Variants in SNX2 observed in about 807,000 individuals in gnomAD.
SNX2 encodes the protein sorting nexin 2.
SNX2 carries 25 observed loss-of-function variants against 69.9 expected under a neutral mutation model. That is an observed-to-expected ratio of 0.36 (90% CI 0.26 to 0.50). The LOEUF (loss-of-function observed/expected upper bound fraction) is 0.50, where lower values mean the gene tolerates loss of function less well. SNX2 is among the 20% of genes least tolerant of loss of function. The pLI is 0.97. For missense variants in SNX2, 551 were observed against 613.3 expected (o/e 0.90, Z 1.07); for synonymous variants, 229 against 200.4 (o/e 1.14, Z -1.20).
intron 1 of SNX2, among the ~76,000 whole-genome samples, chr5:122,785,343 A>C (rs894835771): frequency 2.6e-5 from 4 of 151,568 alleles, no homozygotes; most frequent in African/African-American, 9.7e-5. Flanking sequence ...ACAGGGAGTC[A>C]CACTATGTTG....
Position 122,834,141 on chromosome 5 carries a change from A to T in SNX2, c.*4493A>T, listed in dbSNP as rs892371619. The T allele has an allele frequency of 2.6e-5, 4 of 152,324 alleles. No individual in the cohort carries two copies. Among genetic ancestry groups the T allele is most frequent in the South Asian group, 2.1e-4 (1 of 4,832 alleles). The allele number at this position is 152,324 out of a possible 1,614,324, so 9.4% of individuals were successfully genotyped here. A position where few individuals can be genotyped will look rare whatever the true frequency, so the allele number is the denominator to read the frequency against. On this transcript the variant is annotated 3_prime_UTR_variant, in exon 15 of 15. Coordinates refer to ENST00000379516, the MANE Select transcript of SNX2 (RefSeq NM_003100.4). ...TAAGCATTTCAAGATTTCTGTTTTA[A>T]TTATTAACATTTAGAATTCTAGGAA...
chr5:122,816,819 G>C, intron 8 of SNX2, 96 bp from the exon 9 acceptor site: 4 of 562,626 alleles, frequency 7.1e-6, no homozygotes, highest in Non-Finnish European at 1.3e-5. Context: ...TTTGTATGTG[G>C]GGGGGAGGGG....
chr5:122,817,786 T>G (rs559351811), intron 10 of SNX2, among the ~76,000 whole-genome samples: 1 of 152,066 alleles, frequency 6.6e-6, no homozygotes, highest in Non-Finnish European at 1.5e-5. Context: ...TTTTTGAAAA[T>G]TTTTTGGAAA....
At chr5:122,791,016 T>C (rs1411385680) in intron 1 of SNX2, among the ~76,000 whole-genome samples, 2 of 152,162 alleles carry the variant, frequency 1.3e-5, no homozygotes, top group African/African-American at 4.8e-5. Context: ...ATATTCTTTA[T>C]CAAGATATCC....
intron 1 of SNX2, chr5:122,775,843 A>C (rs1428562655): frequency 5.4e-6 from 5 of 934,576 alleles, no homozygotes; most frequent in Non-Finnish European, 6.4e-6. Flanking sequence ...TGTAAAGCTG[A>C]AGGCAGGATT....
chr5:122,832,236 T>A lies in SNX2; in HGVS notation c.*2588T>A, dbSNP rs1754307565. ...AGTCTTGTTTCATTTAGTATGACTT[T>A]GGGCATATCACTTAAATCTCTTATC... On this transcript the variant is annotated 3_prime_UTR_variant, in exon 15 of 15. Coordinates refer to ENST00000379516, the MANE Select transcript of SNX2 (RefSeq NM_003100.4). The A allele has an allele frequency of 6.6e-6, 1 of 152,206 alleles. No homozygotes were observed. The highest frequency in any genetic ancestry group is 2.4e-5 in the African/African-American group (1 of 41,462). 9.4% of individuals were successfully genotyped at this position (152,206 alleles called of 1,614,324 possible).
At chr5:122,792,697 T>C (rs1010341346) in intron 1 of SNX2, among the ~76,000 whole-genome samples, 2 of 151,724 alleles carry the variant, frequency 1.3e-5, no homozygotes, top group Non-Finnish European at 2.9e-5. Context: ...ATTAAGAAAG[T>C]AAAAAGGTAA....
At chr5:122,782,142 C>G (rs1426938910) in intron 1 of SNX2, among the ~76,000 whole-genome samples, 1 of 152,198 alleles carries the variant, frequency 6.6e-6, no homozygotes, top group Admixed American at 6.5e-5. Flanking sequence ...AATATATATT[C>G]ACTAATGCCT....
chr5:122,794,434 A>T (rs1175499197), intron 1 of SNX2, among the ~76,000 whole-genome samples: 1 of 152,244 alleles, frequency 6.6e-6, no homozygotes, highest in Non-Finnish European at 1.5e-5. Context: ...TCTTAATTCA[A>T]CTAGTAGTAA....
chr5:122,816,002 G>A, intron 8 of SNX2, 31 bp downstream of exon 8: 1 of 1,211,422 alleles, frequency 8.3e-7, no homozygotes, highest in Non-Finnish European at 1.2e-6. Context: ...GTTTGTATAT[G>A]AATGTTCTCG....
Position 122,808,273 on chromosome 5 carries a change from A to T in SNX2, c.644-4A>T. ...ATCATGAATCTCATTCAACTTCTTC[A>T]AAGGGATGACCAAGGTCAAAGTGGG... is the stretch of plus-strand genomic sequence containing the variant. On this transcript the variant is annotated splice_polypyrimidine_tract_variant and splice_region_variant and intron_variant, in intron 6 of 14. Transcript: ENST00000379516. 6.3e-7 allele frequency: 1 copy of T among 1,594,512 alleles called. No individual in the cohort carries two copies.
Position 122,831,938 on chromosome 5 carries a change from T to A in SNX2, c.*2290T>A, listed in dbSNP as rs1268189427. On this transcript the variant is annotated 3_prime_UTR_variant, in exon 15 of 15. Transcript: ENST00000379516. ...AGATGAGTGTGCTGGAAATTTCAAGTATTATATGAGCCTCTGATACCTACC... is the reference window on the plus strand; with the variant it reads ...AGATGAGTGTGCTGGAAATTTCAAGAATTATATGAGCCTCTGATACCTACC... 2.0e-5 allele frequency among the ~76,000 whole-genome samples: 3 copies of A among 152,200 alleles called. No homozygotes were observed. The highest frequency in any genetic ancestry group is 4.4e-5 in the Non-Finnish European group (3 of 68,016).
intron 1 of SNX2, among the ~76,000 whole-genome samples, chr5:122,794,662 T>C (rs1344740711): frequency 6.6e-6 from 1 of 152,180 alleles, no homozygotes; most frequent in African/African-American, 2.4e-5. Flanking sequence ...CTGTAAAATA[T>C]TAAATTTGGT....
intron 2 of SNX2, 45 bp from the exon 3 acceptor site, chr5:122,799,647 T>G: frequency 6.8e-7 from 1 of 1,468,624 alleles, no homozygotes; most frequent in South Asian, 1.3e-5. Context: ...ATATTGGGGG[T>G]TTGCTTGCCA....
At chr5:122,804,151 G>A (rs751719651) in intron 6 of SNX2, among the ~76,000 whole-genome samples, 3 of 151,886 alleles carry the variant, frequency 2.0e-5, no homozygotes, top group Non-Finnish European at 2.9e-5. Context: ...TGAAATTTAT[G>A]AAGTTAAAAG....
chr5:122,785,983 T>C (rs919414730), intron 1 of SNX2, among the ~76,000 whole-genome samples: 26 of 152,208 alleles, frequency 1.7e-4, no homozygotes, highest in African/African-American at 5.8e-4. Flanking sequence ...AAGATAATTG[T>C]ATATTTTTAA....
At chr5:122,802,878 A>C (rs1375765986) in intron 5 of SNX2, among the ~76,000 whole-genome samples, 4 of 152,170 alleles carry the variant, frequency 2.6e-5, no homozygotes, top group Admixed American at 1.3e-4. Context: ...AGGAAGGAGA[A>C]GGATGCCTAG....
At chr5:122,775,662 G>C (rs1349379790) in intron 1 of SNX2, 7 of 986,956 alleles carry the variant, frequency 7.1e-6, no homozygotes, top group Non-Finnish European at 8.4e-6. Context: ...GAGGGGCCGA[G>C]GGTCTGTGGG....
rs1754310995 is a variant in SNX2 at position 122,832,347 on chromosome 5, AAT to A, written c.*2702_*2703del. On this transcript the variant is annotated 3_prime_UTR_variant, in exon 15 of 15. Coordinates refer to ENST00000379516, the MANE Select transcript of SNX2 (RefSeq NM_003100.4). ...GTTTAAAATATCAAACTTCAATATA[AAT>A]ATGTTGGAAAACAATTCTAATCAAA... 2.0e-5 allele frequency: 3 copies of A among 151,932 alleles called. No homozygotes were observed. The highest frequency in any genetic ancestry group is 6.6e-5 in the Admixed American group (1 of 15,242). The allele number at this position is 151,932 out of a possible 1,614,324, so 9.4% of individuals were successfully genotyped here. A position where few individuals can be genotyped will look rare whatever the true frequency, so the allele number is the denominator to read the frequency against.
Sources: allele counts gnomAD v4.1 joint callset (sites outside exome capture counted in the v4.1 genomes callset), GRCh38; gene constraint gnomAD v4.1.1; transcripts MANE v1.5; gene names NCBI Gene and HGNC (gene_info 2026-07-23, HGNC 2026-07-21).